CPSF4: variants seen among roughly 807,000 people sequenced by gnomAD.
The protein encoded by CPSF4 is cleavage and polyadenylation specific factor 4.
In CPSF4, 11 loss-of-function variants were observed where a neutral mutation model predicts 37.7. The observed-to-expected ratio is 0.29, with a 90% CI of 0.18 to 0.48. CPSF4 has a LOEUF of 0.48. Ranked by LOEUF, CPSF4 falls within the 20% of genes least tolerant of loss-of-function variation. The pLI is 0.99. For missense variants in CPSF4, 144 were observed against 359.5 expected (o/e 0.40, Z 4.85); for synonymous variants, 132 against 135.9 (o/e 0.97, Z 0.20).
At chr7:99,456,182 C>G (rs1400353909) in intron 7 of CPSF4, among the ~76,000 whole-genome samples, 1 of 152,260 alleles carries the variant, frequency 6.6e-6, no homozygotes, top group Non-Finnish European at 1.5e-5. Flanking sequence ...AGGTCGCCTT[C>G]TGGCGGCCTT....
rs1030787771 is a variant in CPSF4, at chr7:99,454,240, A to G, written c.741+104A>G. On this transcript the variant is annotated intron_variant, in intron 7 of 7. Transcript: ENST00000292476. ...TGAAATGAGAAAAATGAAAACATTC[A>G]TTTTTGCTGATTGTAAGCATAAAGT... 2.7e-5 allele frequency: 29 copies of G among 1,085,286 alleles called. No homozygotes were observed. The African/African-American group carries it at 3.9e-4, about 15-fold the overall frequency. The allele number at this position is 1,085,286 out of a possible 1,614,324, so 67.2% of individuals were successfully genotyped here. A position where few individuals can be genotyped will look rare whatever the true frequency, so the allele number is the denominator to read the frequency against.
Position 99,453,873 on chromosome 7 carries a change from G to C in CPSF4, c.571-93G>C. 8.0e-7 allele frequency: 1 copy of C among 1,242,240 alleles called. No homozygotes were observed. The highest frequency in any genetic ancestry group is 1.1e-6 in the Non-Finnish European group (1 of 876,738). 77.0% of individuals were successfully genotyped at this position (1,242,240 alleles called of 1,614,324 possible). A position where few individuals can be genotyped will look rare whatever the true frequency, so the allele number is the denominator to read the frequency against. On this transcript the variant is annotated intron_variant, in intron 6 of 7. Coordinates refer to ENST00000292476, the MANE Select transcript of CPSF4 (RefSeq NM_006693.4). The surrounding 1 kb of genome is among the most constrained non-coding windows in gnomAD (Gnocchi z 4.7). Reference sequence around the variant, plus strand: ...GGAAGCCCTGCTTCCTGCCGTTTGCGGGACGAGTCCCGCCCTCTTTTTTCC... The same window carrying C: ...GGAAGCCCTGCTTCCTGCCGTTTGCCGGACGAGTCCCGCCCTCTTTTTTCC...
intron 1 of CPSF4, among the ~76,000 whole-genome samples, chr7:99,443,838 G>A (rs1027264354): frequency 4.6e-5 from 7 of 152,044 alleles, no homozygotes; most frequent in African/African-American, 1.4e-4. Context: ...AGAATCTCTT[G>A]AACCAAGGAG....
chr7:99,453,889 T>A lies in CPSF4; in HGVS notation c.571-77T>A. ...GCCGTTTGCGGGACGAGTCCCGCCC[T>A]CTTTTTTCCTGTCCCCATCGGTAGT... On this transcript the variant is annotated intron_variant, in intron 6 of 7. Coordinates refer to ENST00000292476, the MANE Select transcript of CPSF4 (RefSeq NM_006693.4). The surrounding 1 kb of genome is among the most constrained non-coding windows in gnomAD (Gnocchi z 4.7). 1.4e-6 allele frequency: 2 copies of A among 1,425,422 alleles called. No homozygotes were observed. Among genetic ancestry groups the A allele is most frequent in the Non-Finnish European group, 1.9e-6 (2 of 1,030,462 alleles). The allele number at this position is 1,425,422 out of a possible 1,614,324, so 88.3% of individuals were successfully genotyped here. A position where few individuals can be genotyped will look rare whatever the true frequency, so the allele number is the denominator to read the frequency against.
intron 1 of CPSF4, chr7:99,442,815 T>C (rs911723768): frequency 1.1e-5 from 9 of 842,778 alleles, no homozygotes; most frequent in Admixed American, 6.9e-5. Context: ...GCATTTAGTA[T>C]ATATGTGACC....
At chr7:99,447,237 C>T (rs1797584152) in intron 2 of CPSF4, among the ~76,000 whole-genome samples, 1 of 151,038 alleles carries the variant, frequency 6.6e-6, no homozygotes, top group Admixed American at 6.6e-5. Flanking sequence ...ATTTGAGCTC[C>T]TACACCCGGC....
In CPSF4 at chr7:99,454,094, C is replaced by T. The variant is rs139528752; in HGVS notation, c.699C>T (p.Gly233=). 6.2e-7 allele frequency: 1 copy of T among 1,613,990 alleles called. No homozygotes were observed. The highest frequency in any genetic ancestry group is 8.5e-7 in the Non-Finnish European group (1 of 1,180,006). ...GVMQSQNSSA[G]NRGPRPLEQV... Reference sequence around the variant, plus strand: ...TGCAGAGTCAAAACAGCAGCGCGGGCAACCGGGGACCCCGGCCACTGGAGC... The same window carrying T: ...TGCAGAGTCAAAACAGCAGCGCGGGTAACCGGGGACCCCGGCCACTGGAGC... Residue 233 remains glycine, a synonymous_variant, in exon 7 of 8, where the codon GGC becomes GGT. Coordinates refer to ENST00000292476, the MANE Select transcript of CPSF4 (RefSeq NM_006693.4).
At position 99,454,412 on chromosome 7, in the gene CPSF4, C is replaced by T. The variant is rs778349654; in HGVS notation, c.741+276C>T. Among the ~76,000 whole-genome samples, 13 of 152,124 alleles carry T rather than the reference C, an allele frequency of 8.5e-5. 1 individual carries two copies. The highest frequency in any genetic ancestry group is 1.2e-4 in the African/African-American group (5 of 41,424). On this transcript the variant is annotated intron_variant, in intron 7 of 7. Transcript: ENST00000292476. ...CAGGTGAGGGAAGCCCCCAAGAGGC[C>T]GGGAACAAAATAGAAACACTGATCC...
At position 99,457,207 on chromosome 7, in the gene CPSF4, C is replaced by T. The variant is rs1798368572; in HGVS notation, c.*707C>T. ...TCATCTGTGCCTACCTCCTGCCCAT[C>T]AGGCGTCTACACTGTCACTCAGACA... On this transcript the variant is annotated 3_prime_UTR_variant, in exon 8 of 8. Coordinates refer to ENST00000292476, the MANE Select transcript of CPSF4 (RefSeq NM_006693.4). 1 of 157,728 alleles carries T rather than the reference C, an allele frequency of 6.3e-6. No homozygotes were observed. Among genetic ancestry groups the T allele is most frequent in the African/African-American group, 2.4e-5 (1 of 41,482 alleles). The allele number at this position is 157,728 out of a possible 1,614,324, so 9.8% of individuals were successfully genotyped here.
chr7:99,439,697 G>C (rs1318596503), intron 1 of CPSF4: 4 of 152,746 alleles, frequency 2.6e-5, no homozygotes. Context: ...CCAACTGCAG[G>C]AGAGTACTAG....
In CPSF4 at chr7:99,456,571, C is replaced by A; in HGVS notation, c.*71C>A. The A allele has an allele frequency of 1.5e-6, 2 of 1,291,966 alleles. No homozygotes were observed. The highest frequency in any genetic ancestry group is 2.2e-6 in the Non-Finnish European group (2 of 897,722). 80.0% of individuals were successfully genotyped at this position (1,291,966 alleles called of 1,614,324 possible). A position where few individuals can be genotyped will look rare whatever the true frequency, so the allele number is the denominator to read the frequency against. On this transcript the variant is annotated 3_prime_UTR_variant, in exon 8 of 8. Coordinates refer to ENST00000292476, the MANE Select transcript of CPSF4 (RefSeq NM_006693.4). The stretch of plus-strand genomic sequence containing the variant: ...GGAGTGTGCATTTAACTGTTTCATG[C>A]GCTTGTTGGCGCGACTGTGGCTCGA...
intron 2 of CPSF4, among the ~76,000 whole-genome samples, chr7:99,447,379 C>T (rs971469267): frequency 1.3e-5 from 2 of 151,478 alleles, no homozygotes; most frequent in Non-Finnish European, 2.9e-5. Context: ...AGCGATTCTC[C>T]AGCCTCAGCC....
intron 5 of CPSF4, 91 bp downstream of exon 5, chr7:99,450,886 C>A: frequency 1.1e-6 from 1 of 917,904 alleles, no homozygotes; most frequent in Non-Finnish European, 1.8e-6. Context: ...GGGCCTTGGT[C>A]ACTGGGTGAT....
Position 99,448,736 on chromosome 7 carries a change from A to G in CPSF4, c.307+463A>G, listed in dbSNP as rs1797727860. ...CCGTGGTTGGTTTCTGTCCACGTCC[A>G]CCTTCTCCCTGAAACCCACTTCTCC... On this transcript the variant is annotated intron_variant, in intron 3 of 7. Coordinates refer to ENST00000292476, the MANE Select transcript of CPSF4 (RefSeq NM_006693.4). This position sits in a 1 kb window ranked among gnomAD's most constrained non-coding sequence, Gnocchi z 4.4. The G allele has an allele frequency of 6.5e-6, 1 of 154,796 alleles. No homozygotes were observed. The highest frequency in any genetic ancestry group is 1.4e-5 in the Non-Finnish European group (1 of 69,952). 9.6% of individuals were successfully genotyped at this position (154,796 alleles called of 1,614,324 possible).
chr7:99,450,484 C>T, intron 4 of CPSF4, 113 bp downstream of exon 4: 1 of 793,632 alleles, frequency 1.3e-6, no homozygotes, highest in South Asian at 1.6e-5. Context: ...TGACATTCTG[C>T]AGCTAGCGGC....
intron 7 of CPSF4, 176 bp from the exon 8 acceptor site, chr7:99,456,256 C>G: frequency 1.6e-6 from 1 of 632,188 alleles, no homozygotes; most frequent in Non-Finnish European, 2.8e-6. Context: ...CCATCCTGAG[C>G]TCCCTCACCC....
chr7:99,454,890 A>C (rs545225728), intron 7 of CPSF4, among the ~76,000 whole-genome samples: 3 of 152,282 alleles, frequency 2.0e-5, no homozygotes, highest in South Asian at 4.1e-4. Context: ...ATGAGTCCAG[A>C]TTAAAAATCA....
intron 1 of CPSF4, among the ~76,000 whole-genome samples, chr7:99,440,676 T>A (rs6150248): frequency 0.32 from 18,778 of 59,562 alleles, 2,068 homozygotes; most frequent in East Asian, 0.38. Context: ...ATATATATAT[T>A]TTTTTTTTTT....
At chr7:99,441,247 AG>A (rs1313028748) in intron 1 of CPSF4, 1 of 366,894 alleles carries the variant, frequency 2.7e-6, no homozygotes, top group Non-Finnish European at 5.5e-6. Context: ...CACTGTGCCC[AG>A]CCGGCCTTTT....
Sources: gnomAD v4.1 joint callset for allele counts (sites outside exome capture counted in the v4.1 genomes callset) on GRCh38, gnomAD v4.1.1 for gene constraint, Gnocchi (gnomAD v3.1) non-coding constraint, MANE v1.5 for transcripts, NCBI Gene and HGNC (gene_info 2026-07-23, HGNC 2026-07-21) for gene names.